GMDS: variants seen among roughly 807,000 people sequenced by gnomAD.
GMDS encodes the protein GDP-mannose 4,6 dehydratase.
A neutral mutation model predicts 49.9 loss-of-function variants in GMDS; 20 were observed. The ratio of observed to expected loss-of-function variants is 0.40; its 90% CI spans 0.28 to 0.58. The LOEUF is 0.58. GMDS is among the 20% of genes least tolerant of loss of function. GMDS has a pLI of 0.42. For missense variants in GMDS, 362 were observed against 481.4 expected (o/e 0.75, Z 2.32); for synonymous variants, 177 against 178.6 (o/e 0.99, Z 0.07).
At chr6:1,713,053 A>T (rs1183980000) in intron 9 of GMDS, among the ~76,000 whole-genome samples, 1 of 152,204 alleles carries the variant, frequency 6.6e-6, no homozygotes, top group Non-Finnish European at 1.5e-5. Flanking sequence ...CCATCAACAC[A>T]AGACTATGTA....
intron 7 of GMDS, among the ~76,000 whole-genome samples, chr6:1,784,776 C>T (rs576539188): frequency 6.6e-6 from 1 of 152,312 alleles, no homozygotes; most frequent in African/African-American, 2.4e-5. Context: ...GGCTGACCAC[C>T]CAGCAGCAAG....
At chr6:2,160,119 C>T (rs1255497986) in intron 1 of GMDS, among the ~76,000 whole-genome samples, 2 of 152,066 alleles carry the variant, frequency 1.3e-5, no homozygotes, top group Non-Finnish European at 2.9e-5. Context: ...CAAAGAAAAA[C>T]ATAAACTTCT....
At chr6:2,104,910 C>T (rs755356955) in intron 4 of GMDS, among the ~76,000 whole-genome samples, 21 of 152,050 alleles carry the variant, frequency 1.4e-4, no homozygotes, top group East Asian at 5.8e-4. Context: ...TAACCGGGTG[C>T]GGTGGCTCAC....
At chr6:2,235,892 G>C (rs1781337176) in intron 1 of GMDS, among the ~76,000 whole-genome samples, 1 of 151,854 alleles carries the variant, frequency 6.6e-6, no homozygotes, top group Admixed American at 6.6e-5. Context: ...CAGGAACAAG[G>C]CAAACAAATG....
intron 7 of GMDS, among the ~76,000 whole-genome samples, chr6:1,906,460 A>C (rs1388705218): frequency 6.6e-6 from 1 of 152,268 alleles, no homozygotes; most frequent in Non-Finnish European, 1.5e-5. Flanking sequence ...TTTGCACAAT[A>C]AAATGCAATT....
At chr6:2,103,482 A>AG in intron 4 of GMDS, among the ~76,000 whole-genome samples, 1 of 152,288 alleles carries the variant, frequency 6.6e-6, no homozygotes, top group East Asian at 1.9e-4. Flanking sequence ...AGAGTAGACC[A>AG]GAAAAAAAAT....
chr6:2,038,892 C>G (rs1769471539), intron 4 of GMDS, among the ~76,000 whole-genome samples: 1 of 152,168 alleles, frequency 6.6e-6, no homozygotes, highest in Non-Finnish European at 1.5e-5. Flanking sequence ...GGGAATATGT[C>G]CCTCATTTAG....
chr6:1,819,489 G>A (rs138717659), intron 7 of GMDS, among the ~76,000 whole-genome samples: 4 of 151,910 alleles, frequency 2.6e-5, no homozygotes, highest in Non-Finnish European at 5.9e-5. Flanking sequence ...GCCTGGGTGC[G>A]GTGGCTCCTG....
chr6:1,931,702 T>C (rs1304257163), intron 6 of GMDS, among the ~76,000 whole-genome samples: 3 of 152,236 alleles, frequency 2.0e-5, no homozygotes, highest in South Asian at 2.1e-4. Flanking sequence ...GTCAGGACTA[T>C]ACTATTTTCT....
intron 7 of GMDS, among the ~76,000 whole-genome samples, chr6:1,884,191 A>T (rs1011677044): frequency 6.6e-6 from 1 of 152,244 alleles, no homozygotes; most frequent in Non-Finnish European, 1.5e-5. Context: ...TCTATGTGAA[A>T]AGCAGATCAA....
intron 4 of GMDS, among the ~76,000 whole-genome samples, chr6:1,974,631 G>A (rs1764793764): frequency 6.6e-6 from 1 of 152,130 alleles, no homozygotes; most frequent in Non-Finnish European, 1.5e-5. Context: ...AAACTAAAAT[G>A]TCGACAAATT....
At chr6:1,948,581 C>T (rs1189658208) in intron 6 of GMDS, among the ~76,000 whole-genome samples, 2 of 152,022 alleles carry the variant, frequency 1.3e-5, no homozygotes, top group African/African-American at 4.8e-5. Context: ...CTCTCGAGCC[C>T]AGGAGTCCGA....
chr6:2,120,269 G>A (rs1186521922), intron 2 of GMDS, among the ~76,000 whole-genome samples: 2 of 152,058 alleles, frequency 1.3e-5, no homozygotes, highest in African/African-American at 2.4e-5. Flanking sequence ...AAGTGGCAAC[G>A]TTAAAGGACA....
chr6:2,065,644 T>A (rs1313385102), intron 4 of GMDS, among the ~76,000 whole-genome samples: 1 of 152,064 alleles, frequency 6.6e-6, no homozygotes, highest in Non-Finnish European at 1.5e-5. Flanking sequence ...CAGGAGCTGA[T>A]GCGATCAACT....
At chr6:1,634,630 G>A (rs1456464932) in intron 9 of GMDS, among the ~76,000 whole-genome samples, 3 of 152,196 alleles carry the variant, frequency 2.0e-5, no homozygotes, top group African/African-American at 7.2e-5. Flanking sequence ...CATCCAATAT[G>A]GAGTCTGGGC....
At position 2,243,102 on chromosome 6, in the gene GMDS, T is replaced by C. The variant is rs558775480; in HGVS notation, c.102+2219A>G. ...ATGAGGAGACAATGCAGAGGGCAGATGCCGGAGGGAAGAAAGAAACACTGG... is the reference window on the plus strand; with the variant it reads ...ATGAGGAGACAATGCAGAGGGCAGACGCCGGAGGGAAGAAAGAAACACTGG... On this transcript the variant is annotated intron_variant, in intron 1 of 10. Coordinates refer to ENST00000380815, the MANE Select transcript of GMDS (RefSeq NM_001500.4). Among the ~76,000 whole-genome samples, 8 of 152,310 alleles carry C rather than the reference T, an allele frequency of 5.3e-5. No individual in the cohort carries two copies. In the East Asian group the frequency reaches 1.5e-3, roughly 29 times the overall value.
intron 4 of GMDS, among the ~76,000 whole-genome samples, chr6:2,090,664 A>C (rs560324711): frequency 1.3e-5 from 2 of 152,328 alleles, no homozygotes; most frequent in South Asian, 4.1e-4. Context: ...GTGGAATAAA[A>C]ACCAAAAGTT....
intron 7 of GMDS, among the ~76,000 whole-genome samples, chr6:1,835,924 G>A (rs570228635): frequency 2.6e-4 from 40 of 151,180 alleles, no homozygotes; most frequent in Admixed American, 7.2e-4. Flanking sequence ...TCGCTATGTC[G>A]CCCAGGCAGG....
intron 7 of GMDS, among the ~76,000 whole-genome samples, chr6:1,882,560 G>T (rs556934117): frequency 6.6e-6 from 1 of 152,060 alleles, no homozygotes; most frequent in East Asian, 1.9e-4. Context: ...AGAAGAGAGA[G>T]AAATAATTAA....
Sources: gnomAD v4.1 joint callset for allele counts (sites outside exome capture counted in the v4.1 genomes callset) on GRCh38, gnomAD v4.1.1 for gene constraint, MANE v1.5 for transcripts, NCBI Gene and HGNC (gene_info 2026-07-23, HGNC 2026-07-21) for gene names.